Variants in PCDHGA10 observed in about 807,000 individuals in gnomAD.
PCDHGA10 encodes the protein protocadherin gamma subfamily A, 10, also known as protocadherin gamma-A10.
Under a neutral mutation model 59.5 loss-of-function variants are expected in PCDHGA10, and 42 were observed. The ratio of observed to expected loss-of-function variants is 0.71; its 90% CI spans 0.55 to 0.91. The LOEUF is 0.91. PCDHGA10 is among the 40% of genes least tolerant of loss of function. PCDHGA10 has a pLI of 0.00. For synonymous variants in PCDHGA10, 511 were observed against 517.2 expected, an observed-to-expected ratio of 0.99 and a Z score of 0.16; for missense variants, 1,111 against 1,198.2, an observed-to-expected ratio of 0.93 and a Z score of 1.07.
rs201968743 is a variant in PCDHGA10, at chr5:141,490,095, A to G, written c.2437-4712A>G. On this transcript the variant is annotated intron_variant, in intron 1 of 3. Coordinates refer to ENST00000398610, the MANE Select transcript of PCDHGA10 (RefSeq NM_018913.3). The surrounding 1 kb of genome is among the most constrained non-coding windows in gnomAD (Gnocchi z 5.4). ...TAGACTATTCTTTTGGAGACCACAC[A>G]TCTGAGGCAGTGCGGAACCTCTTTG... 2.4e-4 allele frequency: 394 copies of G among 1,614,156 alleles called. No individual in the cohort carries two copies. The highest frequency in any genetic ancestry group is 3.1e-4 in the Non-Finnish European group (363 of 1,180,054).
Position 141,485,757 on chromosome 5 carries a change from T to A in PCDHGA10, c.2437-9050T>A. The A allele has an allele frequency of 6.2e-7, 1 of 1,614,174 alleles. No homozygotes were observed. The highest frequency in any genetic ancestry group is 8.5e-7 in the Non-Finnish European group (1 of 1,180,028). The stretch of plus-strand genomic sequence containing the variant: ...GACGGCAGCCTGGTCCCAGAGCTGC[T>A]CCTGGAGAAGCCTTTGGATCGAGAG... On this transcript the variant is annotated intron_variant, in intron 1 of 3. Transcript: ENST00000398610. The surrounding 1 kb of genome is among the most constrained non-coding windows in gnomAD (Gnocchi z 5.7).
Position 141,487,356 on chromosome 5 carries a change from C to A in PCDHGA10, c.2437-7451C>A. On this transcript the variant is annotated intron_variant, in intron 1 of 3. Coordinates refer to ENST00000398610, the MANE Select transcript of PCDHGA10 (RefSeq NM_018913.3). The surrounding 1 kb of genome is among the most constrained non-coding windows in gnomAD (Gnocchi z 5.0). ...GCCTGTGGAGTCACATGCTTTCCTG[C>A]TGGCACCTGTGCCTGTCTCACCAGA... 1 of 1,614,220 alleles carries A rather than the reference C, an allele frequency of 6.2e-7. No individual in the cohort carries two copies. The highest frequency in any genetic ancestry group is 8.5e-7 in the Non-Finnish European group (1 of 1,180,042).
chr5:141,472,979 T>TAAAA (rs2099307936), intron 1 of PCDHGA10, among the ~76,000 whole-genome samples: 1 of 21,094 alleles, frequency 4.7e-5, no homozygotes, highest in Non-Finnish European at 9.8e-5. Context: ...AGAGTGAAAC[T>TAAAA]CAAAAAAAAA....
In PCDHGA10 at chr5:141,414,867, C is replaced by T. The variant is rs2095797355; in HGVS notation, c.1692C>T (p.Pro564=). 5.6e-6 allele frequency: 9 copies of T among 1,614,230 alleles called. No homozygotes were observed. The highest frequency in any genetic ancestry group is 1.1e-5 in the South Asian group (1 of 91,084). ...LFVLDQNDNA[P]EILYPALPTD... is the part of the protein sequence containing the mutation. ...TGCTGGACCAGAACGACAATGCGCC[C>T]GAGATCCTGTACCCCGCCCTCCCCA... Residue 564 remains proline (P), a synonymous_variant, in exon 1 of 4, where the codon CCC becomes CCT. Coordinates refer to ENST00000398610, the MANE Select transcript of PCDHGA10 (RefSeq NM_018913.3).
Position 141,512,703 on chromosome 5 carries a change from T to C in PCDHGA10, c.*1530T>C. ...TAGCCAGTAGTGTAGTGCGGTGTGC[T>C]TTTACGTGATGGCGGGTGGGCAGCG... On this transcript the variant is annotated 3_prime_UTR_variant, in exon 4 of 4. Coordinates refer to ENST00000398610, the MANE Select transcript of PCDHGA10 (RefSeq NM_018913.3). 1 of 152,958 alleles carries C rather than the reference T, an allele frequency of 6.5e-6. No individual in the cohort carries two copies. Among genetic ancestry groups the C allele is most frequent in the East Asian group, 1.9e-4 (1 of 5,212 alleles). 9.5% of individuals were successfully genotyped at this position (152,958 alleles called of 1,614,324 possible).
intron 1 of PCDHGA10, among the ~76,000 whole-genome samples, chr5:141,482,385 A>T (rs1238551737): frequency 6.6e-6 from 1 of 152,210 alleles, no homozygotes; most frequent in Non-Finnish European, 1.5e-5. Context: ...AAGTCCCTGT[A>T]TGGAGCAAGT....
rs377138746 is a variant in PCDHGA10, at chr5:141,432,481, C to A, written c.2436+16870C>A. Reference sequence around the variant, plus strand: ...CCCTCCCCACGGACGGTTCCACTGGCGTGGAGCTGGCTCCCCGCTCCGCAG... The same window carrying A: ...CCCTCCCCACGGACGGTTCCACTGGAGTGGAGCTGGCTCCCCGCTCCGCAG... On this transcript the variant is annotated intron_variant, in intron 1 of 3. Transcript: ENST00000398610. This position sits in a 1 kb window ranked among gnomAD's most constrained non-coding sequence, Gnocchi z 6.0. 6.2e-7 allele frequency: 1 copy of A among 1,614,080 alleles called. No individual in the cohort carries two copies.
At chr5:141,504,738 C>G (rs2099840693) in intron 2 of PCDHGA10, among the ~76,000 whole-genome samples, 1 of 151,874 alleles carries the variant, frequency 6.6e-6, no homozygotes, top group Non-Finnish European at 1.5e-5. Flanking sequence ...GCTTAGGAAG[C>G]CATTGAATTT....
At chr5:141,416,698 A>G (rs2096053724) in intron 1 of PCDHGA10, 1 of 152,250 alleles carries the variant, frequency 6.6e-6, no homozygotes, top group Non-Finnish European at 1.5e-5. Context: ...TAAACAAAGG[A>G]TCATTGGAGG....
chr5:141,424,084 A>G, intron 1 of PCDHGA10: 1 of 929,764 alleles, frequency 1.1e-6, no homozygotes, highest in Non-Finnish European at 1.3e-6. Context: ...ATATTCCACC[A>G]TTATTTGCTA....
Position 141,491,075 on chromosome 5 carries a change from A to G in PCDHGA10, c.2437-3732A>G, listed in dbSNP as rs147291399. ...TGGCTCTCCTACTCACTGTTGCCAC[A>G]GTCCACAGCCCCAGGACTGTTCCTC... is the stretch of plus-strand genomic sequence containing the variant. On this transcript the variant is annotated intron_variant, in intron 1 of 3. Coordinates refer to ENST00000398610, the MANE Select transcript of PCDHGA10 (RefSeq NM_018913.3). This position sits in a 1 kb window ranked among gnomAD's most constrained non-coding sequence, Gnocchi z 6.9. 1.2e-6 allele frequency: 2 copies of G among 1,614,080 alleles called. No individual in the cohort carries two copies. Among genetic ancestry groups the G allele is most frequent in the Non-Finnish European group, 8.5e-7 (1 of 1,180,042 alleles).
chr5:141,468,300 G>C (rs2099162063), intron 1 of PCDHGA10, among the ~76,000 whole-genome samples: 1 of 146,430 alleles, frequency 6.8e-6, no homozygotes, highest in Non-Finnish European at 1.5e-5. Flanking sequence ...ACCCCAGCCT[G>C]GGCAACAAGA....
Position 141,432,811 on chromosome 5 carries a change from T to G in PCDHGA10, c.2436+17200T>G. Reference sequence around the variant, plus strand: ...GCAGCCTCGAGTCTCCAGCTAACTCTGAAACCTCAGACCTCACTCTGTACC... The same window carrying G: ...GCAGCCTCGAGTCTCCAGCTAACTCGGAAACCTCAGACCTCACTCTGTACC... On this transcript the variant is annotated intron_variant, in intron 1 of 3. Transcript: ENST00000398610. The surrounding 1 kb of genome is among the most constrained non-coding windows in gnomAD (Gnocchi z 6.0). 1 of 1,614,126 alleles carries G rather than the reference T, an allele frequency of 6.2e-7. No homozygotes were observed. Among genetic ancestry groups the G allele is most frequent in the Non-Finnish European group, 8.5e-7 (1 of 1,179,988 alleles).
intron 2 of PCDHGA10, among the ~76,000 whole-genome samples, chr5:141,495,623 C>T (rs990126072): frequency 3.3e-5 from 5 of 152,208 alleles, no homozygotes; most frequent in South Asian, 2.1e-4. Context: ...GCACCTCAGC[C>T]TCAGTCCCTT....
intron 1 of PCDHGA10, among the ~76,000 whole-genome samples, chr5:141,436,320 G>A (rs1158221950): frequency 6.6e-6 from 1 of 152,120 alleles, no homozygotes; most frequent in African/African-American, 2.4e-5. Flanking sequence ...AGTCAAGACT[G>A]TTAGACCATA....
In PCDHGA10 at chr5:141,511,296, A is replaced by C; in HGVS notation, c.*123A>C. 1 of 1,505,968 alleles carries C rather than the reference A, an allele frequency of 6.6e-7. No individual in the cohort carries two copies. The allele number at this position is 1,505,968 out of a possible 1,614,324, so 93.3% of individuals were successfully genotyped here. On this transcript the variant is annotated 3_prime_UTR_variant, in exon 4 of 4. Coordinates refer to ENST00000398610, the MANE Select transcript of PCDHGA10 (RefSeq NM_018913.3). ...CAGAATACTGGTAGGGGCCAAGGCCATGCTCCCCTTGGGAAACAGAAACAA... is the reference window on the plus strand; with the variant it reads ...CAGAATACTGGTAGGGGCCAAGGCCCTGCTCCCCTTGGGAAACAGAAACAA...
intron 1 of PCDHGA10, among the ~76,000 whole-genome samples, chr5:141,450,561 A>G (rs1381887193): frequency 6.6e-6 from 1 of 151,856 alleles, no homozygotes; most frequent in Admixed American, 6.6e-5. Flanking sequence ...GTCTCGGCTC[A>G]CTGCAACTTC....
intron 3 of PCDHGA10, among the ~76,000 whole-genome samples, chr5:141,509,437 C>T (rs923580110): frequency 2.6e-5 from 4 of 152,104 alleles, no homozygotes; most frequent in African/African-American, 9.7e-5. Context: ...ACTCTTGTTT[C>T]CTCCTCTCCC....
In PCDHGA10 at chr5:141,478,301, G is replaced by C. The variant is rs778427815; in HGVS notation, c.2437-16506G>C. ...GAAGCAGTCTAGAGACCTATACCGA[G>C]CCCCGGTGAGCTCACTGTACCGAAC... On this transcript the variant is annotated intron_variant, in intron 1 of 3. Coordinates refer to ENST00000398610, the MANE Select transcript of PCDHGA10 (RefSeq NM_018913.3). 2.5e-6 allele frequency: 4 copies of C among 1,614,074 alleles called. No individual in the cohort carries two copies. In the South Asian group the frequency reaches 4.4e-5, roughly 18 times the overall value.
Sources: gnomAD v4.1 joint callset for allele counts (sites outside exome capture counted in the v4.1 genomes callset) on GRCh38, gnomAD v4.1.1 for gene constraint, Gnocchi (gnomAD v3.1) non-coding constraint, MANE v1.5 for transcripts, NCBI Gene and HGNC (gene_info 2026-07-23, HGNC 2026-07-21) for gene names.